The following EYA2 variants were observed in gnomAD, a reference collection of about 807,000 sequenced individuals.
EYA2 encodes the protein EYA transcriptional coactivator and phosphatase 2.
In EYA2, 31 loss-of-function variants were observed where a neutral mutation model predicts 69.2. That is an observed-to-expected ratio of 0.45 (90% CI 0.34 to 0.60). EYA2 has a LOEUF of 0.60. Ranked by LOEUF, EYA2 falls within the 20% of genes least tolerant of loss-of-function variation. The pLI is 0.02. For missense variants in EYA2, 622 were observed against 701.2 expected (o/e 0.89, Z 1.28); for synonymous variants, 257 against 279.4 (o/e 0.92, Z 0.80).
chr20:47,158,257 G>T (rs927328716), intron 10 of EYA2, among the ~76,000 whole-genome samples: 1 of 152,008 alleles, frequency 6.6e-6, no homozygotes, highest in Non-Finnish European at 1.5e-5. Context: ...GCTCACGCCT[G>T]TAATTTCAGC....
chr20:47,075,761 G>A (rs2031492303), intron 7 of EYA2, among the ~76,000 whole-genome samples: 1 of 151,968 alleles, frequency 6.6e-6, no homozygotes, highest in Non-Finnish European at 1.5e-5. Flanking sequence ...TGGGTAAATT[G>A]CATGTCGTGG....
intron 12 of EYA2, among the ~76,000 whole-genome samples, chr20:47,173,172 C>T (rs2034360066): frequency 6.6e-6 from 1 of 152,054 alleles, no homozygotes; most frequent in Non-Finnish European, 1.5e-5. Context: ...CAGTGTGGTC[C>T]TCCAAGTAGC....
At chr20:47,156,382 G>C (rs4810619) in intron 10 of EYA2, among the ~76,000 whole-genome samples, 38,104 of 150,608 alleles carry the variant, frequency 0.25, 6,439 homozygotes, top group African/African-American at 0.48. Context: ...ACAAGGTAAC[G>C]CTAAAGATCT....
intron 5 of EYA2, among the ~76,000 whole-genome samples, chr20:47,055,849 T>C (rs1169064494): frequency 6.6e-6 from 1 of 152,144 alleles, no homozygotes; most frequent in Non-Finnish European, 1.5e-5. Flanking sequence ...GTCCTGCAAC[T>C]CACCTTTTTT....
intron 9 of EYA2, among the ~76,000 whole-genome samples, chr20:47,105,621 T>TC (rs2032552457): frequency 5.1e-5 from 3 of 58,434 alleles, no homozygotes; most frequent in East Asian, 1.1e-3. Context: ...CAAGACTCTG[T>TC]CCCAAAAAAA....
intron 4 of EYA2, among the ~76,000 whole-genome samples, chr20:47,010,247 A>C (rs548087295): frequency 6.6e-6 from 1 of 152,316 alleles, no homozygotes; most frequent in East Asian, 1.9e-4. Context: ...TTAGTGGCTT[A>C]AAATAACACT....
At chr20:46,927,385 AG>A (rs1985463007) in intron 1 of EYA2, among the ~76,000 whole-genome samples, 1 of 152,218 alleles carries the variant, frequency 6.6e-6, no homozygotes, top group South Asian at 2.1e-4. Flanking sequence ...GCAGTTTCAG[AG>A]CTGAGTTCAC....
chr20:46,965,462 G>A (rs1979717917), intron 1 of EYA2, among the ~76,000 whole-genome samples: 1 of 152,230 alleles, frequency 6.6e-6, no homozygotes. Flanking sequence ...CCCATCCACA[G>A]CCTTGGGCAA....
intron 5 of EYA2, among the ~76,000 whole-genome samples, chr20:47,025,033 C>G (rs6090606): frequency 0.02 from 3,004 of 152,302 alleles, 98 homozygotes; most frequent in African/African-American, 0.069. Flanking sequence ...TTTGGGAGAA[C>G]TAATTTTGCA....
At chr20:46,957,484 A>G (rs1369245320) in intron 1 of EYA2, among the ~76,000 whole-genome samples, 1 of 151,760 alleles carries the variant, frequency 6.6e-6, no homozygotes, top group African/African-American at 2.4e-5. Context: ...GTTGGCCCCA[A>G]ATGAGATCAC....
chr20:46,972,436 T>C (rs113378505), intron 1 of EYA2, among the ~76,000 whole-genome samples: 2,582 of 152,304 alleles, frequency 0.017, 70 homozygotes, highest in African/African-American at 0.059. Flanking sequence ...ATTGGCACAG[T>C]GTCATGTGGT....
chr20:47,067,667 T>C (rs1201368790), intron 5 of EYA2, among the ~76,000 whole-genome samples: 1 of 152,200 alleles, frequency 6.6e-6, no homozygotes, highest in Non-Finnish European at 1.5e-5. Context: ...CACAACCACA[T>C]AGAGAGGAAC....
At chr20:47,131,601 AG>A (rs2146578410) in intron 9 of EYA2, among the ~76,000 whole-genome samples, 2 of 152,134 alleles carry the variant, frequency 1.3e-5, no homozygotes, top group South Asian at 4.2e-4. Context: ...TATAAAAGGG[AG>A]GGTGGTCAAA....
chr20:47,115,559 A>G (rs1420726934), intron 9 of EYA2, among the ~76,000 whole-genome samples: 2 of 151,656 alleles, frequency 1.3e-5, no homozygotes, highest in Non-Finnish European at 2.9e-5. Context: ...TACGCCAACC[A>G]TCATCATTGC....
chr20:47,044,900 T>C (rs780431536), intron 5 of EYA2, among the ~76,000 whole-genome samples: 36 of 152,192 alleles, frequency 2.4e-4, no homozygotes, highest in Non-Finnish European at 4.1e-4. Flanking sequence ...TGTACTCATC[T>C]AGAGAGAGAA....
At chr20:46,934,030 G>A (rs1029195042) in intron 1 of EYA2, among the ~76,000 whole-genome samples, 14 of 152,238 alleles carry the variant, frequency 9.2e-5, no homozygotes, top group African/African-American at 3.4e-4. Flanking sequence ...AAGACCTCAC[G>A]TGACAGTGCC....
intron 1 of EYA2, among the ~76,000 whole-genome samples, chr20:46,922,039 C>A (rs1279292346): frequency 2.6e-5 from 4 of 152,186 alleles, no homozygotes; most frequent in Non-Finnish European, 5.9e-5. Context: ...GGCCTAATTT[C>A]AGTGAAGAGG....
chr20:46,938,737 A>T (rs530440482), intron 1 of EYA2, among the ~76,000 whole-genome samples: 25 of 152,268 alleles, frequency 1.6e-4, no homozygotes, highest in African/African-American at 5.3e-4. Context: ...GTGACATACC[A>T]TCACTTCTGC....
At chr20:47,082,286 TAAGAA>T (rs1440401698) in intron 7 of EYA2, among the ~76,000 whole-genome samples, 3 of 152,036 alleles carry the variant, frequency 2.0e-5, no homozygotes, top group Admixed American at 1.3e-4. Context: ...TTTTTAAAAA[TAAGAA>T]AAGAAGAAGT....
Sources: gnomAD v4.1 joint callset for allele counts (sites outside exome capture counted in the v4.1 genomes callset) on GRCh38, gnomAD v4.1.1 for gene constraint, MANE v1.5 for transcripts, NCBI Gene and HGNC (gene_info 2026-07-23, HGNC 2026-07-21) for gene names.